The following MYO18B variants were observed in gnomAD, a reference collection of about 807,000 sequenced individuals.
MYO18B encodes the protein unconventional myosin-XVIIIb.
MYO18B carries 204 observed loss-of-function variants against 273.0 expected under a neutral mutation model. That is an observed-to-expected ratio of 0.75 (90% CI 0.67 to 0.84). The LOEUF is 0.84. Among genes scored for constraint, MYO18B ranks in the 40% least tolerant of loss-of-function variants. MYO18B has a pLI of 0.00. For missense variants in MYO18B, 3,212 were observed against 3,287.6 expected, an observed-to-expected ratio of 0.98 and a Z score of 0.56; for synonymous variants, 1,330 against 1,305.7, an observed-to-expected ratio of 1.02 and a Z score of -0.40.
intron 40 of MYO18B, 62 bp from the exon 41 acceptor site, chr22:26,003,203 A>G: frequency 6.9e-7 from 1 of 1,446,120 alleles, no homozygotes. Flanking sequence ...AACGTCAATA[A>G]CCATGCTTCC....
intron 34 of MYO18B, among the ~76,000 whole-genome samples, chr22:25,935,880 G>A (rs1028991885): frequency 6.6e-6 from 1 of 152,310 alleles, no homozygotes; most frequent in African/African-American, 2.4e-5. Context: ...CTGGTTGCGG[G>A]CTTCTTCCCA....
chr22:25,961,746 G>A (rs74866074), intron 39 of MYO18B, among the ~76,000 whole-genome samples: 3,618 of 152,280 alleles, frequency 0.024, 149 homozygotes, highest in African/African-American at 0.079. Flanking sequence ...AGATGCACCT[G>A]TTTCAGAGGC....
At chr22:25,769,937 C>G (rs1226102639) in intron 4 of MYO18B, 173 bp from the exon 5 acceptor site, 2 of 673,976 alleles carry the variant, frequency 3.0e-6, no homozygotes, top group Admixed American at 4.2e-5. Context: ...GGCTCCACCT[C>G]CCGGGTCCGC....
At chr22:25,992,231 C>G (rs568459281) in intron 39 of MYO18B, 132 bp from the exon 40 acceptor site, 236 of 1,087,134 alleles carry the variant, frequency 2.2e-4, no homozygotes, top group Non-Finnish European at 2.9e-4. Flanking sequence ...GAGCCTCTCA[C>G]GGAGAACTTA....
chr22:25,966,242 GTTTGTTTTTGTT>G (rs199728411), intron 39 of MYO18B, among the ~76,000 whole-genome samples: 35 of 152,188 alleles, frequency 2.3e-4, no homozygotes, highest in Middle Eastern at 3.4e-3. Context: ...TTTTTTGTTT[GTTTGTTTTTGTT>G]TTTGTTTTTG....
At chr22:25,840,823 TA>T (rs2145981593) in intron 17 of MYO18B, among the ~76,000 whole-genome samples, 1 of 152,288 alleles carries the variant, frequency 6.6e-6, no homozygotes, top group Admixed American at 6.5e-5. Flanking sequence ...CCATGAGGTC[TA>T]TGGTGTCAGT....
At chr22:25,988,781 C>T (rs1217017990) in intron 39 of MYO18B, among the ~76,000 whole-genome samples, 3 of 152,176 alleles carry the variant, frequency 2.0e-5, no homozygotes, top group Admixed American at 2.0e-4. Flanking sequence ...CTCATTTACT[C>T]CTCGCAAAAG....
intron 40 of MYO18B, among the ~76,000 whole-genome samples, chr22:25,994,878 C>T (rs900403603): frequency 3.3e-5 from 5 of 152,224 alleles, no homozygotes; most frequent in African/African-American, 9.6e-5. Context: ...TTGGCCAGTA[C>T]ACAAAATGTT....
chr22:25,902,069 C>G (rs1231608779), intron 29 of MYO18B, among the ~76,000 whole-genome samples: 1 of 151,950 alleles, frequency 6.6e-6, no homozygotes, highest in African/African-American at 2.4e-5. Context: ...AACTCCTGGC[C>G]CCAAGTGATC....
intron 39 of MYO18B, among the ~76,000 whole-genome samples, chr22:25,984,778 A>G (rs2093183287): frequency 6.6e-6 from 1 of 151,630 alleles, no homozygotes; most frequent in African/African-American, 2.4e-5. Flanking sequence ...CAGTCTGGGC[A>G]AGAGAGTGAG....
intron 39 of MYO18B, among the ~76,000 whole-genome samples, chr22:25,963,267 CAA>C (rs1221136651): frequency 1.3e-5 from 2 of 151,088 alleles, no homozygotes; most frequent in Non-Finnish European, 2.9e-5. Context: ...GCTACCATAA[CAA>C]ATAATCAAAA....
At chr22:25,859,515 A>G (rs769140352) in intron 21 of MYO18B, among the ~76,000 whole-genome samples, 11 of 151,934 alleles carry the variant, frequency 7.2e-5, no homozygotes, top group Admixed American at 2.0e-4. Context: ...TGAGGGTTTC[A>G]TTTTCTATCC....
chr22:25,997,017 A>G (rs1933325461), intron 40 of MYO18B, among the ~76,000 whole-genome samples: 1 of 152,126 alleles, frequency 6.6e-6, no homozygotes, highest in Non-Finnish European at 1.5e-5. Flanking sequence ...TGTAGGGTTC[A>G]GTGTGAAGTG....
At chr22:25,861,145 A>C (rs1200129253) in intron 21 of MYO18B, among the ~76,000 whole-genome samples, 1 of 152,140 alleles carries the variant, frequency 6.6e-6, no homozygotes, top group Non-Finnish European at 1.5e-5. Flanking sequence ...CAGTGTCCCA[A>C]AGTCCTGGGA....
At chr22:25,957,211 T>C (rs1307848942) in intron 39 of MYO18B, among the ~76,000 whole-genome samples, 1 of 152,210 alleles carries the variant, frequency 6.6e-6, no homozygotes, top group African/African-American at 2.4e-5. Context: ...AGGCATTCTG[T>C]CCAGATCAAA....
At chr22:25,802,012 C>T (rs772438832) in intron 12 of MYO18B, among the ~76,000 whole-genome samples, 18 of 152,176 alleles carry the variant, frequency 1.2e-4, no homozygotes, top group Non-Finnish European at 2.5e-4. Flanking sequence ...CTGAGACTAT[C>T]CTGAGTTAGC....
At chr22:25,831,046 T>C (rs959148512) in intron 15 of MYO18B, among the ~76,000 whole-genome samples, 1 of 152,248 alleles carries the variant, frequency 6.6e-6, no homozygotes, top group Admixed American at 6.5e-5. Context: ...ACAATCTCCT[T>C]TGGCGCTTCT....
chr22:25,880,520 C>A (rs1254585563), intron 25 of MYO18B, among the ~76,000 whole-genome samples: 1 of 152,130 alleles, frequency 6.6e-6, no homozygotes, highest in African/African-American at 2.4e-5. Context: ...ATGCTTCATT[C>A]TAGTCTCAGC....
At chr22:26,021,219 A>T (rs1935787691) in intron 42 of MYO18B, among the ~76,000 whole-genome samples, 1 of 152,276 alleles carries the variant, frequency 6.6e-6, no homozygotes, top group East Asian at 1.9e-4. Context: ...CAATTTCAGT[A>T]TTCCTGAGTT....
Sources: allele counts gnomAD v4.1 joint callset (sites outside exome capture counted in the v4.1 genomes callset), GRCh38; gene constraint gnomAD v4.1.1; transcripts MANE v1.5; gene names NCBI Gene and HGNC (gene_info 2026-07-23, HGNC 2026-07-21).